Variants in FNIP2 observed in about 807,000 individuals in gnomAD.
FNIP2 encodes the protein folliculin interacting protein 2.
In FNIP2, 32 loss-of-function variants were observed where a neutral mutation model predicts 108.7. The ratio of observed to expected loss-of-function variants is 0.29; its 90% CI spans 0.22 to 0.40. The LOEUF is 0.40. FNIP2 is among the 10% of genes least tolerant of loss of function. The pLI, the probability that FNIP2 is intolerant of heterozygous loss-of-function variation, is 1.00. For missense variants in FNIP2, 1,202 were observed against 1,381.6 expected (o/e 0.87, Z 2.06); for synonymous variants, 480 against 496.7 (o/e 0.97, Z 0.45).
At position 158,859,567 on chromosome 4, in the gene FNIP2, C is replaced by A; in HGVS notation, c.1060-11C>A. On this transcript the variant is annotated splice_polypyrimidine_tract_variant and intron_variant, in intron 9 of 16. Coordinates refer to ENST00000264433, the MANE Select transcript of FNIP2 (RefSeq NM_020840.3). ...TTCTCAGTAATTTGACTTGCTTTCT[C>A]TTCAATAAAGGCTATGATCTCCTGT... The A allele has an allele frequency of 1.2e-6, 2 of 1,608,888 alleles. No homozygotes were observed. The highest frequency in any genetic ancestry group is 2.2e-5 in the South Asian group (2 of 90,096).
intron 1 of FNIP2, among the ~76,000 whole-genome samples, chr4:158,772,786 A>C (rs998684786): frequency 3.3e-5 from 5 of 152,198 alleles, no homozygotes; most frequent in African/African-American, 1.2e-4. Context: ...CAGGCAGGAC[A>C]CCCACGGTCT....
intron 14 of FNIP2, among the ~76,000 whole-genome samples, chr4:158,885,258 C>T (rs1781966148): frequency 6.6e-6 from 1 of 152,116 alleles, no homozygotes; most frequent in East Asian, 1.9e-4. Flanking sequence ...TCCCCTTCCT[C>T]GACATGGGAT....
At chr4:158,816,716 T>C (rs1056644130) in intron 1 of FNIP2, among the ~76,000 whole-genome samples, 25 of 146,658 alleles carry the variant, frequency 1.7e-4, no homozygotes, top group Admixed American at 5.6e-4. Flanking sequence ...ACCCAGGAGG[T>C]GGAGGTTGCA....
intron 16 of FNIP2, among the ~76,000 whole-genome samples, chr4:158,896,334 C>CGAAA: frequency 6.6e-6 from 1 of 152,208 alleles, no homozygotes; most frequent in South Asian, 2.1e-4. Context: ...ACAGTGCTTT[C>CGAAA]CTTCCTTTAT....
At chr4:158,872,254 G>A (rs1421204160) in intron 14 of FNIP2, 7 of 985,226 alleles carry the variant, frequency 7.1e-6, no homozygotes, top group Non-Finnish European at 8.4e-6. Flanking sequence ...GAACTTATCT[G>A]TAAAACCATT....
chr4:158,864,662 T>A (rs1780481470), intron 12 of FNIP2, among the ~76,000 whole-genome samples: 1 of 152,106 alleles, frequency 6.6e-6, no homozygotes, highest in African/African-American at 2.4e-5. Context: ...TCTCTCAGCT[T>A]CTCCACCTCA....
chr4:158,902,763 TC>T (rs1230978309), intron 16 of FNIP2, among the ~76,000 whole-genome samples: 1 of 152,212 alleles, frequency 6.6e-6, no homozygotes. Flanking sequence ...AGTTTGAACT[TC>T]CAGGCAGCTT....
Position 158,869,367 on chromosome 4 carries a change from G to C in FNIP2, c.2731G>C (p.Asp911His). The C allele has an allele frequency of 1.9e-6, 3 of 1,612,246 alleles. No homozygotes were observed. The highest frequency in any genetic ancestry group is 2.5e-6 in the Non-Finnish European group (3 of 1,179,274). Reference sequence around the variant, plus strand: ...CGAAGCCTGCGCTTCAGCCATGCTAGATCTGGGTCACGGTGGTGACAGGAC... The same window carrying C: ...CGAAGCCTGCGCTTCAGCCATGCTACATCTGGGTCACGGTGGTGACAGGAC... The part of the protein sequence containing the change: ...DDEACASAML[D>H]LGHGGDRTGG... Residue 911 changes from aspartate (D) to histidine (H), a missense_variant, in exon 13 of 17, where the codon GAT (aspartate) becomes CAT (histidine). By Grantham distance (81) the Asp-to-His change is moderately conservative (BLOSUM62 -1). Transcript: ENST00000264433.
intron 1 of FNIP2, among the ~76,000 whole-genome samples, chr4:158,771,657 G>A (rs539879618): frequency 2.0e-5 from 3 of 152,332 alleles, no homozygotes; most frequent in African/African-American, 7.2e-5. Flanking sequence ...AGTACAGGAT[G>A]TAACTTGTTT....
At chr4:158,832,309 A>G (rs1180079878) in intron 5 of FNIP2, among the ~76,000 whole-genome samples, 171 bp downstream of exon 5, 1 of 152,136 alleles carries the variant, frequency 6.6e-6, no homozygotes. Flanking sequence ...GTGGGAAAAG[A>G]CCTTTGACTT....
intron 1 of FNIP2, among the ~76,000 whole-genome samples, chr4:158,812,043 A>G (rs930087436): frequency 6.6e-6 from 1 of 152,182 alleles, no homozygotes; most frequent in Admixed American, 6.5e-5. Context: ...CTTCGTGGGA[A>G]TGTGAATGGG....
At chr4:158,771,115 G>T (rs779273779) in intron 1 of FNIP2, among the ~76,000 whole-genome samples, 3 of 152,230 alleles carry the variant, frequency 2.0e-5, no homozygotes, top group Non-Finnish European at 4.4e-5. Flanking sequence ...GCCAAGTACG[G>T]TCTTTTTTTT....
intron 13 of FNIP2, 40 bp downstream of exon 13, chr4:158,869,468 A>T (rs1220129855): frequency 6.6e-7 from 1 of 1,526,552 alleles, no homozygotes; most frequent in East Asian, 2.4e-5. Flanking sequence ...AACTGGGTTC[A>T]AATCCCACTT....
intron 6 of FNIP2, 57 bp from the exon 7 acceptor site, chr4:158,835,348 T>G (rs1344638341): frequency 2.7e-6 from 4 of 1,508,082 alleles, no homozygotes; most frequent in Non-Finnish European, 3.7e-6. Flanking sequence ...GCAGTCATTT[T>G]AAAAACTTTA....
chr4:158,867,374 G>T (rs1364251632), intron 12 of FNIP2, among the ~76,000 whole-genome samples: 1 of 152,060 alleles, frequency 6.6e-6, no homozygotes, highest in Non-Finnish European at 1.5e-5. Context: ...TGTATTTTGG[G>T]TAGAGACGGG....
At chr4:158,840,029 T>C (rs1779036152) in intron 7 of FNIP2, among the ~76,000 whole-genome samples, 1 of 152,154 alleles carries the variant, frequency 6.6e-6, no homozygotes, top group African/African-American at 2.4e-5. Flanking sequence ...TGGTTCCCAT[T>C]AGAAATTTTC....
chr4:158,866,557 T>G (rs1780594916), intron 12 of FNIP2, among the ~76,000 whole-genome samples: 1 of 150,942 alleles, frequency 6.6e-6, no homozygotes, highest in South Asian at 2.1e-4. Flanking sequence ...TCCAGTTTGA[T>G]TATACAAAGA....
intron 8 of FNIP2, among the ~76,000 whole-genome samples, chr4:158,855,470 C>T (rs144716200): frequency 6.7e-4 from 101 of 151,492 alleles, no homozygotes; most frequent in African/African-American, 2.3e-3. Context: ...TTTTTTGAGA[C>T]GGGAATCTCA....
chr4:158,775,430 G>C (rs866942822), intron 1 of FNIP2, among the ~76,000 whole-genome samples: 1 of 152,146 alleles, frequency 6.6e-6, no homozygotes, highest in African/African-American at 2.4e-5. Context: ...TGTAAAAAAA[G>C]GAAAAACAGG....
Sources: allele counts gnomAD v4.1 joint callset (sites outside exome capture counted in the v4.1 genomes callset), GRCh38; gene constraint gnomAD v4.1.1; transcripts MANE v1.5; gene names NCBI Gene and HGNC (gene_info 2026-07-23, HGNC 2026-07-21).